Variants in THADA observed in about 807,000 individuals in gnomAD.
THADA encodes tRNA (32-2'-O)-methyltransferase regulator THADA.
A neutral mutation model predicts 219.8 loss-of-function variants in THADA; 213 were observed. The ratio of observed to expected loss-of-function variants is 0.97; its 90% CI spans 0.87 to 1.09. The LOEUF is 1.09. Among genes scored for constraint, THADA ranks in the 50% least tolerant of loss-of-function variants. THADA has a pLI of 0.00. For missense variants in THADA, 2,956 were observed against 2,311.3 expected (o/e 1.28, Z -5.72); for synonymous variants, 1,018 against 828.9 (o/e 1.23, Z -3.92).
intron 30 of THADA, among the ~76,000 whole-genome samples, chr2:43,330,527 C>A (rs2104495127): frequency 6.6e-6 from 1 of 152,318 alleles, no homozygotes; most frequent in East Asian, 1.9e-4. Flanking sequence ...GGCAGATGTG[C>A]TCCTGCCAGG....
chr2:43,549,204 A>G lies in THADA; in HGVS notation c.3106+6T>C, dbSNP rs1158736152. ...TGAATTACAGTATCCATTTTATACA[A>G]GTTACCTTTGATTTCTGTAGAAGTA... On this transcript the variant is annotated splice_donor_region_variant and intron_variant, in intron 20 of 37. Transcript: ENST00000405975. The G allele has an allele frequency of 1.9e-6, 3 of 1,557,066 alleles. No homozygotes were observed. The highest frequency in any genetic ancestry group is 2.1e-5 in the Admixed American group (1 of 47,446).
At chr2:43,265,970 CACACACACACACACACACACAG>C (rs1242132882) in intron 36 of THADA, among the ~76,000 whole-genome samples, 2 of 140,862 alleles carry the variant, frequency 1.4e-5, no homozygotes, top group African/African-American at 5.2e-5. Context: ...CACACACACA[CACACACACACACACACACACAG>C]ACTCTTGAGG....
intron 36 of THADA, chr2:43,233,088 G>A: frequency 1.7e-6 from 1 of 580,738 alleles, no homozygotes; most frequent in East Asian, 2.8e-5. Context: ...TCATAGGCCT[G>A]AACCCACTGT....
chr2:43,236,011 G>A (rs1021831052), intron 36 of THADA, among the ~76,000 whole-genome samples: 8 of 152,026 alleles, frequency 5.3e-5, no homozygotes, highest in Admixed American at 2.6e-4. Context: ...GGGTTTCACC[G>A]TGTTAGCCAT....
intron 26 of THADA, among the ~76,000 whole-genome samples, chr2:43,481,445 T>C (rs1260605277): frequency 6.6e-6 from 1 of 152,188 alleles, no homozygotes; most frequent in Non-Finnish European, 1.5e-5. Flanking sequence ...ACAAAACTAT[T>C]ATTTTGTTCC....
At chr2:43,481,504 A>T (rs1469823491) in intron 26 of THADA, among the ~76,000 whole-genome samples, 2 of 152,138 alleles carry the variant, frequency 1.3e-5, no homozygotes, top group African/African-American at 4.8e-5. Context: ...TCATTTCCCA[A>T]TGCCTTGTAA....
chr2:43,441,399 T>C lies in THADA; in HGVS notation c.3837-11097A>G, dbSNP rs1680824760. Reference sequence around the variant, plus strand: ...GCATTAGCCAAAAGCTAGTAAAGACTTGGTTAAATATTTACATAGTATGTC... The same window carrying C: ...GCATTAGCCAAAAGCTAGTAAAGACCTGGTTAAATATTTACATAGTATGTC... On this transcript the variant is annotated intron_variant, in intron 26 of 37. Coordinates refer to ENST00000405975, the MANE Select transcript of THADA (RefSeq NM_022065.5). 2.6e-5 allele frequency among the ~76,000 whole-genome samples: 4 copies of C among 152,244 alleles called. No homozygotes were observed. In the South Asian group the frequency reaches 8.3e-4, roughly 31 times the overall value.
chr2:43,593,618 G>C (rs961084740), intron 1 of THADA, among the ~76,000 whole-genome samples: 4 of 149,074 alleles, frequency 2.7e-5, no homozygotes, highest in African/African-American at 9.9e-5. Context: ...AGATTTATTT[G>C]TCTACTACAG....
chr2:43,576,544 C>T (rs938430915), intron 10 of THADA, among the ~76,000 whole-genome samples: 3 of 152,124 alleles, frequency 2.0e-5, no homozygotes, highest in African/African-American at 7.2e-5. Context: ...TTTATAAATT[C>T]TAAAACACTA....
rs779082057 is a variant in THADA, at chr2:43,590,857, C to T, written c.269G>A (p.Ser90Asn). ...DILAGIYLSLSLKNPLKKVLA... is the reference protein window; with the variant it reads ...DILAGIYLSLNLKNPLKKVLA... ...TACTTTCTTCAAGGGATTCTTTAGA[C>T]TCAAAGAAAGATAAATGCCTGCTAA... The change falls in exon 4 of 38, where the codon AGT becomes AAT. Residue 90 changes from serine to asparagine, a missense_variant. Coordinates refer to ENST00000405975, the MANE Select transcript of THADA (RefSeq NM_022065.5). 2.2e-5 allele frequency: 36 copies of T among 1,613,576 alleles called. No individual in the cohort carries two copies. Among genetic ancestry groups the T allele is most frequent in the Non-Finnish European group, 3.0e-5 (35 of 1,179,794 alleles).
At chr2:43,458,091 A>T (rs1485987219) in intron 26 of THADA, among the ~76,000 whole-genome samples, 2 of 152,320 alleles carry the variant, frequency 1.3e-5, no homozygotes, top group East Asian at 3.9e-4. Flanking sequence ...ATAACATGAA[A>T]ATACTGCCAA....
At chr2:43,566,583 A>C in intron 15 of THADA, 115 bp downstream of exon 15, 1 of 1,119,586 alleles carries the variant, frequency 8.9e-7, no homozygotes, top group Non-Finnish European at 1.3e-6. Flanking sequence ...ATAAGGTAAG[A>C]ATGAAACCTC....
At chr2:43,332,135 G>C (rs1387473098) in intron 30 of THADA, among the ~76,000 whole-genome samples, 1 of 152,118 alleles carries the variant, frequency 6.6e-6, no homozygotes, top group African/African-American at 2.4e-5. Flanking sequence ...ACCCAGGCCG[G>C]AGTGCAGTGG....
chr2:43,306,990 TG>T (rs1230443204), intron 31 of THADA, among the ~76,000 whole-genome samples: 3 of 152,240 alleles, frequency 2.0e-5, no homozygotes, highest in Admixed American at 2.0e-4. Context: ...ACTTTACAGT[TG>T]AAGAACCAAG....
intron 26 of THADA, among the ~76,000 whole-genome samples, chr2:43,456,721 T>C (rs1299635302): frequency 1.3e-5 from 2 of 152,120 alleles, no homozygotes; most frequent in African/African-American, 2.4e-5. Flanking sequence ...ACACACATTG[T>C]TCTTTTGTCT....
intron 11 of THADA, among the ~76,000 whole-genome samples, chr2:43,573,836 T>G (rs370538683): frequency 2.0e-5 from 3 of 152,146 alleles, no homozygotes; most frequent in South Asian, 2.1e-4. Context: ...GGTTTGTGAG[T>G]TTCAATGGGA....
At chr2:43,329,077 A>T (rs767077378) in intron 30 of THADA, among the ~76,000 whole-genome samples, 5 of 152,148 alleles carry the variant, frequency 3.3e-5, no homozygotes, top group Non-Finnish European at 7.4e-5. Flanking sequence ...TAGAGGGTGT[A>T]TGTTTTTTAT....
At chr2:43,372,598 C>T (rs956859979) in intron 29 of THADA, among the ~76,000 whole-genome samples, 1 of 152,136 alleles carries the variant, frequency 6.6e-6, no homozygotes, top group Non-Finnish European at 1.5e-5. Flanking sequence ...CCACTCAACA[C>T]AGCCAACAGA....
At chr2:43,541,917 T>C (rs1695375089) in intron 20 of THADA, among the ~76,000 whole-genome samples, 1 of 152,202 alleles carries the variant, frequency 6.6e-6, no homozygotes, top group Non-Finnish European at 1.5e-5. Context: ...TAAAGTATGA[T>C]ATGGATGACT....
Sources: allele counts gnomAD v4.1 joint callset (sites outside exome capture counted in the v4.1 genomes callset), GRCh38; gene constraint gnomAD v4.1.1; transcripts MANE v1.5; gene names NCBI Gene and HGNC (gene_info 2026-07-23, HGNC 2026-07-21).